Variants in MICU3 observed in about 807,000 individuals in gnomAD.
MICU3 encodes calcium uptake protein 3, mitochondrial.
MICU3 carries 62 observed loss-of-function variants against 66.5 expected under a neutral mutation model. That is an observed-to-expected ratio of 0.93 (90% CI 0.76 to 1.15). The LOEUF (loss-of-function observed/expected upper bound fraction) is 1.15, where lower values mean the gene tolerates loss of function less well. MICU3 is among the 50% of genes most tolerant of loss of function. The pLI is 0.00. For missense variants in MICU3, 779 were observed against 664.4 expected (o/e 1.17, Z -1.90); for synonymous variants, 308 against 240.7 (o/e 1.28, Z -2.59).
intron 4 of MICU3, among the ~76,000 whole-genome samples, chr8:17,080,668 A>G (rs1364716663): frequency 6.6e-6 from 1 of 152,132 alleles, no homozygotes; most frequent in Non-Finnish European, 1.5e-5. Context: ...CTATCTGTCT[A>G]TAGGTCACAA....
At position 17,064,197 on chromosome 8, in the gene MICU3, G is replaced by C. The variant is rs763504827; in HGVS notation, c.495G>C (p.Pro165=). 5.0e-6 allele frequency: 8 copies of C among 1,611,990 alleles called. No homozygotes were observed. The highest frequency in any genetic ancestry group is 5.9e-6 in the Non-Finnish European group (7 of 1,178,800). ...GTGAAGGGCAGTTATTCATGACTCC[G>C]TATGATTTTATTTTGGCTGTTACAA... ...IECEGQLFMT[P]YDFILAVTTD... The change falls in exon 2 of 15, where the codon CCG becomes CCC. Residue 165 remains proline, a synonymous_variant. Transcript: ENST00000318063.
chr8:17,028,744 A>G (rs1811479255), intron 1 of MICU3, among the ~76,000 whole-genome samples: 1 of 152,114 alleles, frequency 6.6e-6, no homozygotes, highest in Non-Finnish European at 1.5e-5. Context: ...GTCCTTTTAC[A>G]CATGAATATT....
the MICU3 span, among the ~76,000 whole-genome samples, chr8:17,134,569 C>A: frequency 6.6e-6 from 1 of 152,082 alleles, no homozygotes; most frequent in Non-Finnish European, 1.5e-5. Flanking sequence ...CTCAGCCTCC[C>A]GAGTAGGTGG....
chr8:17,049,577 G>T (rs755831733), intron 1 of MICU3: 1 of 518,012 alleles, frequency 1.9e-6, no homozygotes, highest in Non-Finnish European at 3.9e-6. Context: ...TTTTTCCCAA[G>T]GTAACCTAAC....
chr8:17,087,641 A>G (rs1171559224), intron 7 of MICU3, among the ~76,000 whole-genome samples: 1 of 152,056 alleles, frequency 6.6e-6, no homozygotes, highest in Non-Finnish European at 1.5e-5. Context: ...TTACAAACGG[A>G]CACTATACTA....
intron 4 of MICU3, among the ~76,000 whole-genome samples, chr8:17,078,351 C>T (rs190509831): frequency 1.5e-4 from 23 of 152,134 alleles, no homozygotes; most frequent in African/African-American, 5.3e-4. Context: ...AAGGCCAACA[C>T]TTACTGCAAA....
In MICU3 at chr8:17,104,468, G is replaced by C. The variant is rs753295478; in HGVS notation, c.1062G>C (p.Glu354Asp). 1 of 1,455,198 alleles carries C rather than the reference G, an allele frequency of 6.9e-7. No individual in the cohort carries two copies. Among genetic ancestry groups the C allele is most frequent in the South Asian group, 1.6e-5 (1 of 61,340 alleles). 90.1% of individuals were successfully genotyped at this position (1,455,198 alleles called of 1,614,324 possible). A position where few individuals can be genotyped will look rare whatever the true frequency, so the allele number is the denominator to read the frequency against. The change falls in exon 10 of 15, where the codon GAG (glutamate) becomes GAC (aspartate). Residue 354 changes from glutamate (E) to aspartate (D), a missense_variant. Coordinates refer to ENST00000318063, the MANE Select transcript of MICU3 (RefSeq NM_181723.3). Reference protein sequence around the residue: ...VHFFGKKGKAELNFEDFYRFM... With the variant: ...VHFFGKKGKADLNFEDFYRFM... ...TTTTTGGAAAGAAAGGAAAAGCTGAGCTCAACTTTGAAGATTTTTATAGGT... is the reference window on the plus strand; with the variant it reads ...TTTTTGGAAAGAAAGGAAAAGCTGACCTCAACTTTGAAGATTTTTATAGGT...
At chr8:17,045,407 G>C (rs781480410) in intron 1 of MICU3, among the ~76,000 whole-genome samples, 13 of 152,184 alleles carry the variant, frequency 8.5e-5, no homozygotes, top group Non-Finnish European at 1.8e-4. Flanking sequence ...AATCTGAACA[G>C]ACAGGCCTGC....
At chr8:17,103,502 G>C (rs932584720) in intron 9 of MICU3, among the ~76,000 whole-genome samples, 1 of 151,754 alleles carries the variant, frequency 6.6e-6, no homozygotes, top group African/African-American at 2.4e-5. Context: ...AGGATGATGT[G>C]TAGGAGAGTT....
chr8:17,032,701 G>A (rs749314257), intron 1 of MICU3, among the ~76,000 whole-genome samples: 5 of 152,152 alleles, frequency 3.3e-5, no homozygotes, highest in Non-Finnish European at 7.3e-5. Context: ...GATGCTTACA[G>A]GCATACGTTT....
At chr8:17,032,263 C>G (rs1812208196) in intron 1 of MICU3, among the ~76,000 whole-genome samples, 1 of 152,090 alleles carries the variant, frequency 6.6e-6, no homozygotes. Flanking sequence ...CAAACTATGG[C>G]TTTGGCCTTT....
At chr8:17,053,393 C>G (rs150956416) in intron 1 of MICU3, among the ~76,000 whole-genome samples, 1 of 152,066 alleles carries the variant, frequency 6.6e-6, no homozygotes, top group African/African-American at 2.4e-5. Context: ...CCTGAAGTAA[C>G]GTGAGCCTGT....
intron 3 of MICU3, among the ~76,000 whole-genome samples, chr8:17,075,755 C>G: frequency 6.6e-6 from 1 of 152,054 alleles, no homozygotes. Context: ...TGTTACTTAT[C>G]CACTTTAAGT....
At chr8:17,079,482 G>A (rs1407386349) in intron 4 of MICU3, among the ~76,000 whole-genome samples, 1 of 152,078 alleles carries the variant, frequency 6.6e-6, no homozygotes, top group Non-Finnish European at 1.5e-5. Context: ...TTAAGTGGCA[G>A]AGAAATTTTA....
intron 8 of MICU3, 85 bp downstream of exon 8, chr8:17,090,669 A>G (rs1799954120): frequency 1.9e-6 from 2 of 1,052,410 alleles, no homozygotes; most frequent in East Asian, 2.6e-5. Context: ...ATAAAGCTAT[A>G]TCTGCTGTTT....
chr8:17,043,718 A>C (rs1423246962), intron 1 of MICU3, among the ~76,000 whole-genome samples: 4 of 152,230 alleles, frequency 2.6e-5, no homozygotes, highest in Non-Finnish European at 4.4e-5. Context: ...GTGCTATCAA[A>C]TATGTCTGTC....
At chr8:17,064,844 T>G (rs964467680) in intron 2 of MICU3, among the ~76,000 whole-genome samples, 3 of 151,826 alleles carry the variant, frequency 2.0e-5, no homozygotes, top group Non-Finnish European at 4.4e-5. Context: ...AAAAAAGGAG[T>G]ATTTTAATTG....
At chr8:17,116,245 A>T (rs867147459) in intron 12 of MICU3, among the ~76,000 whole-genome samples, 198 bp from the exon 13 acceptor site, 4 of 152,350 alleles carry the variant, frequency 2.6e-5, no homozygotes, top group Middle Eastern at 3.4e-3. Flanking sequence ...AACCTAAGAT[A>T]CAGCTGTTGC....
At chr8:17,036,728 C>G (rs528070342) in intron 1 of MICU3, among the ~76,000 whole-genome samples, 1 of 152,360 alleles carries the variant, frequency 6.6e-6, no homozygotes, top group African/African-American at 2.4e-5. Context: ...ACGTCCCCAC[C>G]AGACTCAGGA....
Sources: allele counts gnomAD v4.1 joint callset (sites outside exome capture counted in the v4.1 genomes callset), GRCh38; gene constraint gnomAD v4.1.1; transcripts MANE v1.5; gene names NCBI Gene and HGNC (gene_info 2026-07-23, HGNC 2026-07-21).